The following SEMA5B variants were observed in gnomAD, a reference collection of about 807,000 sequenced individuals.
The protein encoded by SEMA5B is semaphorin-5B.
SEMA5B carries 66 observed loss-of-function variants against 135.0 expected under a neutral mutation model. The observed-to-expected ratio is 0.49, with a 90% CI of 0.40 to 0.60. The LOEUF (loss-of-function observed/expected upper bound fraction) is 0.60. Ranked by LOEUF, SEMA5B falls within the 20% of genes least tolerant of loss-of-function variation. The pLI is 0.00. For synonymous variants in SEMA5B, 690 were observed against 639.5 expected (o/e 1.08, Z -1.19); for missense variants, 1,501 against 1,566.3 (o/e 0.96, Z 0.70).
chr3:122,936,786 T>A (rs1939309227), intron 5 of SEMA5B, among the ~76,000 whole-genome samples: 1 of 152,100 alleles, frequency 6.6e-6, no homozygotes, highest in African/African-American at 2.4e-5. Context: ...CCCCCACTCC[T>A]CCACCTCCAA....
rs149716511 is a variant in SEMA5B, at chr3:122,975,022, G to C, written c.-38-13721C>G. On this transcript the variant is annotated intron_variant, in intron 1 of 22. Transcript: ENST00000357599. ...CTGAAATGCAAGAATTCTGGGGAGG[G>C]AGCCTGGAAGTGTCCTCTGCTCAGG... 6.6e-5 allele frequency: 10 copies of C among 152,348 alleles called. No individual in the cohort carries two copies. In the East Asian group the frequency reaches 1.9e-3, roughly 29 times the overall value. 9.4% of individuals were successfully genotyped at this position (152,348 alleles called of 1,614,324 possible). A position where few individuals can be genotyped will look rare whatever the true frequency, so the allele number is the denominator to read the frequency against.
At position 122,922,133 on chromosome 3, in the gene SEMA5B, G is replaced by A. The variant is rs1369013549; in HGVS notation, c.1481-11C>T. On this transcript the variant is annotated splice_polypyrimidine_tract_variant and intron_variant, in intron 11 of 22. Transcript: ENST00000357599. ...GGATGGTGCCCGACTCTGGAGGAGA[G>A]GGGGAGCCAGACCAAGGTGGCCTTG... 5 of 1,525,610 alleles carry A rather than the reference G, an allele frequency of 3.3e-6. No homozygotes were observed. In the South Asian group the frequency reaches 5.1e-5, roughly 15 times the overall value. The allele number at this position is 1,525,610 out of a possible 1,614,324, so 94.5% of individuals were successfully genotyped here.
intron 2 of SEMA5B, among the ~76,000 whole-genome samples, chr3:122,949,323 A>G (rs973607383): frequency 2.6e-5 from 4 of 152,250 alleles, no homozygotes; most frequent in Non-Finnish European, 5.9e-5. Context: ...CAAACTAGAA[A>G]AAATATTTGC....
At position 123,016,957 on chromosome 3, in the gene SEMA5B, T is replaced by A. The variant is rs1224233102; in HGVS notation, c.-39+10507A>T. ...CCCAGGCTGAAGTGCAGTGGCGCGA[T>A]CTCGGCTCACTGCAAGCTCCACCTC... is the stretch of plus-strand genomic sequence containing the variant. On this transcript the variant is annotated intron_variant, in intron 1 of 22. Coordinates refer to ENST00000357599, the MANE Select transcript of SEMA5B (RefSeq NM_001031702.4). Among the ~76,000 whole-genome samples, 6 of 148,422 alleles carry A rather than the reference T, an allele frequency of 4.0e-5. No individual in the cohort carries two copies. In the Admixed American group the frequency reaches 4.1e-4, roughly 10 times the overall value.
At chr3:122,926,093 C>T (rs1014247201) in intron 9 of SEMA5B, among the ~76,000 whole-genome samples, 1 of 152,198 alleles carries the variant, frequency 6.6e-6, no homozygotes, top group African/African-American at 2.4e-5. Context: ...GCTCCCCTCC[C>T]CTACATGGCT....
In SEMA5B at chr3:122,912,852, C is replaced by A; in HGVS notation, c.2716G>T (p.Ala906Ser). ...AAEYQDCNPQ[A>S]CPVRGAWSCW... ...TTCCGTGCAGGGTTACCTGGGCAAG[C>A]CTGGGGGTTGCAGTCCTGGTACTCG... Residue 906 changes from alanine (A) to serine (S), a missense_variant, in exon 18 of 23, where the codon GCT becomes TCT. Ala to Ser is a moderately conservative substitution (Grantham distance 99). Around this residue, in one of 2 missense-constraint regions of SEMA5B, gnomAD observed 927 missense variants for 881.6 expected, o/e 1.05. Transcript: ENST00000357599. The A allele has an allele frequency of 6.3e-7, 1 of 1,584,516 alleles. No individual in the cohort carries two copies.
intron 1 of SEMA5B, among the ~76,000 whole-genome samples, chr3:122,999,292 T>C (rs1942108744): frequency 6.6e-6 from 1 of 152,158 alleles, no homozygotes; most frequent in South Asian, 2.1e-4. Context: ...AGTGGTGCGA[T>C]CTCAGCTCAC....
intron 10 of SEMA5B, among the ~76,000 whole-genome samples, chr3:122,922,755 T>A (rs1938428719): frequency 6.6e-6 from 1 of 152,110 alleles, no homozygotes; most frequent in African/African-American, 2.4e-5. Context: ...TGGACGAGTG[T>A]CCGGTGATTT....
rs781584351 is a variant in SEMA5B, at chr3:122,911,958, C to G, written c.3008G>C (p.Ser1003Thr). The G allele has an allele frequency of 6.2e-6, 10 of 1,609,834 alleles. No homozygotes were observed. The highest frequency in any genetic ancestry group is 8.5e-6 in the Non-Finnish European group (10 of 1,177,198). The change falls in exon 20 of 23, where the codon AGC becomes ACC. Residue 1003 changes from serine (S) to threonine (T), a missense_variant. Around this residue, in one of 2 missense-constraint regions of SEMA5B, gnomAD observed 927 missense variants for 881.6 expected, o/e 1.05. Transcript: ENST00000357599. ...LPGSSACAGN[S>T]SQSRPCPYSE... ...GTAGGGGCAGGGGCGGCTCTGGCTG[C>G]TGTTTCCAGCACAGGCGCTGGACCC...
In SEMA5B at chr3:122,922,383, T is replaced by G. The variant is rs573305920; in HGVS notation, c.1337A>C (p.Gln446Pro). The change falls in exon 11 of 23, where the codon CAG (glutamine) becomes CCG (proline). Residue 446 changes from glutamine (Q) to proline (P), a missense_variant. Gln to Pro is a moderately conservative substitution (Grantham distance 76). Around this residue, in one of 2 missense-constraint regions of SEMA5B, gnomAD observed 574 missense variants for 684.7 expected, o/e 0.84. Transcript: ENST00000357599. ...NLTERSLQDA[Q>P]RLFLMSEAVQ... ...GGCCTCGCTCATCAGGAAGAGGCGCTGCGCGTCCTGCAGGCTGCGCTCCGT... is the reference window on the plus strand; with the variant it reads ...GGCCTCGCTCATCAGGAAGAGGCGCGGCGCGTCCTGCAGGCTGCGCTCCGT... 1.2e-6 allele frequency: 2 copies of G among 1,612,320 alleles called. No homozygotes were observed. Among genetic ancestry groups the G allele is most frequent in the South Asian group, 2.2e-5 (2 of 90,682 alleles).
chr3:122,984,615 A>G (rs940388011), intron 1 of SEMA5B, among the ~76,000 whole-genome samples: 4 of 152,216 alleles, frequency 2.6e-5, no homozygotes, highest in Admixed American at 1.3e-4. Context: ...AAGGTTACCC[A>G]TTGGGTACAA....
rs992619805 is a variant in SEMA5B, at chr3:122,912,870, G to C, written c.2698C>G (p.Gln900Glu). 6 of 1,599,864 alleles carry C rather than the reference G, an allele frequency of 3.8e-6. No homozygotes were observed. Among genetic ancestry groups the C allele is most frequent in the Non-Finnish European group, 5.1e-6 (6 of 1,172,278 alleles). ...GGGCAAGCCTGGGGGTTGCAGTCCT[G>C]GTACTCGGCAGCATCGCCCACGCAG... ...LPCVGDAAEY[Q>E]DCNPQACPVR... The change falls in exon 18 of 23, where the codon CAG becomes GAG. Residue 900 changes from glutamine (Q) to glutamate (E), a missense_variant. Gln to Glu is a conservative substitution (Grantham distance 29). Around this residue, in one of 2 missense-constraint regions of SEMA5B, gnomAD observed 927 missense variants for 881.6 expected, o/e 1.05. Coordinates refer to ENST00000357599, the MANE Select transcript of SEMA5B (RefSeq NM_001031702.4).
At position 122,935,684 on chromosome 3, in the gene SEMA5B, TTC is replaced by T. The variant is rs1316587103; in HGVS notation, c.474+3739_474+3740del. 3.0e-3 allele frequency among the ~76,000 whole-genome samples: 309 copies of T among 102,646 alleles called. 3 individuals are homozygous for T. Among genetic ancestry groups the T allele is most frequent in the African/African-American group, 1.0e-2 (291 of 29,102 alleles). 67.3% of individuals were successfully genotyped at this position (102,646 alleles called of 152,430 possible). ...TCCACTTTTTTTTCTTTTTCTTTCTTTCTTTTTTTTTTTTTTTTTTTTTTTTG... is the reference window on the plus strand; with the variant it reads ...TCCACTTTTTTTTCTTTTTCTTTCTTTTTTTTTTTTTTTTTTTTTTTTTTG... On this transcript the variant is annotated intron_variant, in intron 5 of 22. Coordinates refer to ENST00000357599, the MANE Select transcript of SEMA5B (RefSeq NM_001031702.4).
rs757887384 is a variant in SEMA5B, at chr3:122,910,989, G to C, written c.3148C>G (p.Leu1050Val). The C allele has an allele frequency of 1.1e-5, 18 of 1,613,890 alleles. No individual in the cohort carries two copies. In the South Asian group the frequency reaches 1.3e-4, roughly 12 times the overall value. The change falls in exon 22 of 23, where the codon CTC becomes GTC. Residue 1050 changes from leucine to valine, a missense_variant. By Grantham distance (32) the Leu-to-Val change is conservative. Coordinates refer to ENST00000357599, the MANE Select transcript of SEMA5B (RefSeq NM_001031702.4). ...GACAGGTACACTGCTAGGGTCAGGAGCCCAGAGCCCAAGAAGCAGGAGATG... is the reference window on the plus strand; with the variant it reads ...GACAGGTACACTGCTAGGGTCAGGACCCCAGAGCCCAAGAAGCAGGAGATG... ...TGISCFLGSG[L>V]LTLAVYLSCQ...
chr3:122,966,435 T>C (rs1038368288), intron 1 of SEMA5B, among the ~76,000 whole-genome samples: 2 of 152,240 alleles, frequency 1.3e-5, no homozygotes, highest in African/African-American at 4.8e-5. Context: ...AGACATGGAC[T>C]ACATTGACTA....
chr3:123,017,179 C>T (rs757114126), intron 1 of SEMA5B, among the ~76,000 whole-genome samples: 6 of 151,894 alleles, frequency 4.0e-5, no homozygotes, highest in African/African-American at 7.3e-5. Flanking sequence ...TGAGCCCCCG[C>T]GCCTGGCCCA....
intron 1 of SEMA5B, among the ~76,000 whole-genome samples, chr3:122,986,788 A>G (rs1941715066): frequency 6.6e-6 from 1 of 152,232 alleles, no homozygotes; most frequent in Non-Finnish European, 1.5e-5. Flanking sequence ...AGTTAACCCT[A>G]TAACCCTGCA....
chr3:122,944,911 T>G (rs899482016), intron 3 of SEMA5B, among the ~76,000 whole-genome samples: 1 of 152,096 alleles, frequency 6.6e-6, no homozygotes, highest in Non-Finnish European at 1.5e-5. Context: ...TGGTAAAGAT[T>G]CAGGGTAATG....
chr3:122,939,218 G>A (rs935314108), intron 5 of SEMA5B, among the ~76,000 whole-genome samples: 4 of 152,188 alleles, frequency 2.6e-5, no homozygotes, highest in East Asian at 1.9e-4. Flanking sequence ...GTGCCTCTGC[G>A]TATATGTGAG....
Sources: gnomAD v4.1 joint callset for allele counts (sites outside exome capture counted in the v4.1 genomes callset) on GRCh38, gnomAD v4.1.1 for gene constraint, gnomAD v4.1.1 regional missense constraint, MANE v1.5 for transcripts, NCBI Gene and HGNC (gene_info 2026-07-23, HGNC 2026-07-21) for gene names.